The following GFPT1 variants were observed in gnomAD, a reference collection of about 807,000 sequenced individuals.
GFPT1 encodes the protein glutamine--fructose-6-phosphate aminotransferase [isomerizing] 1.
In GFPT1, 40 loss-of-function variants were observed where a neutral mutation model predicts 92.0. That is an observed-to-expected ratio of 0.43 (90% CI 0.34 to 0.57). The LOEUF (loss-of-function observed/expected upper bound fraction) is 0.57. Ranked by LOEUF, GFPT1 falls within the 20% of genes least tolerant of loss-of-function variation. GFPT1 has a pLI of 0.02. For synonymous variants in GFPT1, 269 were observed against 280.6 expected (o/e 0.96, Z 0.41); for missense variants, 448 against 869.1 (o/e 0.52, Z 6.09).
At chr2:69,377,029 T>C (rs1159315343) in intron 1 of GFPT1, among the ~76,000 whole-genome samples, 2 of 151,640 alleles carry the variant, frequency 1.3e-5, no homozygotes, top group African/African-American at 4.9e-5. Context: ...GGCAACACGC[T>C]GAAACTCCGT....
rs1246794133 is a variant in GFPT1, at chr2:69,323,699, G to A, written c.*2490C>T. 7.0e-6 allele frequency: 1 copy of A among 143,716 alleles called. No individual in the cohort carries two copies. The highest frequency in any genetic ancestry group is 1.5e-5 in the Non-Finnish European group (1 of 66,334). 8.9% of individuals were successfully genotyped at this position (143,716 alleles called of 1,614,324 possible). The stretch of plus-strand genomic sequence containing the variant: ...AAAAATTTTTTTTTTTTTTTTTTGA[G>A]AGAGTCTTGCTCTGTCGCCAGGCTG... On this transcript the variant is annotated 3_prime_UTR_variant, in exon 20 of 20. Transcript: ENST00000357308.
intron 3 of GFPT1, among the ~76,000 whole-genome samples, chr2:69,365,247 G>A (rs530340356): frequency 1.6e-4 from 24 of 152,228 alleles, no homozygotes; most frequent in South Asian, 8.3e-4. Context: ...GGAGGCTGAG[G>A]CAGGTGGATC....
In GFPT1 at chr2:69,358,315, A is replaced by G. The variant is rs1671390108; in HGVS notation, c.543+14T>C. On this transcript the variant is annotated intron_variant, in intron 6 of 19. Transcript: ENST00000357308. Reference sequence around the variant, plus strand: ...AATGTTGGCATAATTATCTTTAAAAATGTGGCTTAATACCAATTGTTGGAT... The same window carrying G: ...AATGTTGGCATAATTATCTTTAAAAGTGTGGCTTAATACCAATTGTTGGAT... 3.1e-6 allele frequency: 5 copies of G among 1,606,628 alleles called. No homozygotes were observed. The highest frequency in any genetic ancestry group is 4.3e-6 in the Non-Finnish European group (5 of 1,173,378).
chr2:69,354,401 T>C, intron 8 of GFPT1, 88 bp downstream of exon 8: 2 of 1,279,870 alleles, frequency 1.6e-6, no homozygotes, highest in Non-Finnish European at 1.1e-6. Flanking sequence ...TATATATACA[T>C]GTGCATCTGA....
At chr2:69,360,667 G>A (rs1003368025) in intron 4 of GFPT1, among the ~76,000 whole-genome samples, 2 of 152,038 alleles carry the variant, frequency 1.3e-5, no homozygotes, top group Non-Finnish European at 2.9e-5. Flanking sequence ...CTGAGCTGAA[G>A]CAATCCTCCC....
intron 13 of GFPT1, among the ~76,000 whole-genome samples, chr2:69,340,726 A>G (rs1481839756): frequency 6.6e-6 from 1 of 152,176 alleles, no homozygotes; most frequent in Non-Finnish European, 1.5e-5. Flanking sequence ...ATTTTGTCTG[A>G]TAAACCACAG....
chr2:69,352,097 A>G (rs1409524046), intron 9 of GFPT1, among the ~76,000 whole-genome samples: 1 of 151,250 alleles, frequency 6.6e-6, no homozygotes, highest in East Asian at 2.0e-4. Context: ...CCTCGTCTCT[A>G]CTAAAAACAC....
At chr2:69,350,496 A>C (rs1351767285) in intron 9 of GFPT1, among the ~76,000 whole-genome samples, 2 of 152,224 alleles carry the variant, frequency 1.3e-5, no homozygotes, top group African/African-American at 4.8e-5. Flanking sequence ...GGTTTTTTAA[A>C]TCAAAAGTAT....
Position 69,374,087 on chromosome 2 carries a change from C to T in GFPT1, c.34G>A (p.Val12Ile). The change falls in exon 2 of 20, where the codon GTT (valine) becomes ATT (isoleucine). Residue 12 changes from valine to isoleucine, a missense_variant. By Grantham distance (29) the Val-to-Ile change is conservative. Transcript: ENST00000357308. ...CGIFAYLNYH[V>I]PRTRREILET... Reference sequence around the variant, plus strand: ...AGGATTTCTCGTCTCGTTCGAGGAACATGGTAGTTTAAGTAAGCAAATATA... The same window carrying T: ...AGGATTTCTCGTCTCGTTCGAGGAATATGGTAGTTTAAGTAAGCAAATATA... 1 of 1,588,594 alleles carries T rather than the reference C, an allele frequency of 6.3e-7. No individual in the cohort carries two copies. The highest frequency in any genetic ancestry group is 8.6e-7 in the Non-Finnish European group (1 of 1,158,288).
chr2:69,354,141 A>C, intron 9 of GFPT1, 118 bp downstream of exon 9: 1 of 611,184 alleles, frequency 1.6e-6, no homozygotes. Context: ...GCTTCCCCAC[A>C]AAATAAGCAC....
At chr2:69,349,369 C>A (rs765993836) in intron 10 of GFPT1, among the ~76,000 whole-genome samples, 1 of 152,144 alleles carries the variant, frequency 6.6e-6, no homozygotes, top group Non-Finnish European at 1.5e-5. Context: ...CACATCTTAG[C>A]CCTGACTACA....
At chr2:69,375,888 C>T (rs955566167) in intron 1 of GFPT1, among the ~76,000 whole-genome samples, 5 of 152,200 alleles carry the variant, frequency 3.3e-5, no homozygotes, top group Non-Finnish European at 7.3e-5. Context: ...AGAGTGGTAG[C>T]GGCACAGCAA....
intron 10 of GFPT1, among the ~76,000 whole-genome samples, chr2:69,349,730 T>C (rs1671162731): frequency 6.6e-6 from 1 of 152,212 alleles, no homozygotes; most frequent in South Asian, 2.1e-4. Context: ...ATGCTATAAC[T>C]ATTGGGATAC....
chr2:69,355,122 G>T (rs1016136446), intron 7 of GFPT1, among the ~76,000 whole-genome samples: 7 of 152,188 alleles, frequency 4.6e-5, no homozygotes, highest in Non-Finnish European at 8.8e-5. Context: ...CTGTCTCCCA[G>T]GCTAGAGTGC....
chr2:69,367,826 T>G (rs965699032), intron 3 of GFPT1, among the ~76,000 whole-genome samples: 2 of 152,250 alleles, frequency 1.3e-5, no homozygotes, highest in African/African-American at 4.8e-5. Flanking sequence ...GCATTTCCCA[T>G]GTAGATATGG....
At chr2:69,353,473 G>T (rs1671260466) in intron 9 of GFPT1, among the ~76,000 whole-genome samples, 1 of 152,208 alleles carries the variant, frequency 6.6e-6, no homozygotes, top group Non-Finnish European at 1.5e-5. Flanking sequence ...AGCCAAGGCT[G>T]AAGTGAGCCA....
intron 2 of GFPT1, chr2:69,371,397 A>C (rs982523366): frequency 6.6e-6 from 1 of 151,982 alleles, no homozygotes; most frequent in African/African-American, 2.4e-5. Context: ...ATTTTTGAAC[A>C]TGCAAAGTTT....
chr2:69,356,632 C>T, intron 6 of GFPT1, 75 bp from the exon 7 acceptor site: 4 of 1,067,344 alleles, frequency 3.7e-6, no homozygotes, highest in Non-Finnish European at 4.4e-6. Flanking sequence ...ATACTGGCTT[C>T]AGCGCAGAAA....
chr2:69,375,597 C>T (rs1393841865), intron 1 of GFPT1, among the ~76,000 whole-genome samples: 2 of 152,064 alleles, frequency 1.3e-5, no homozygotes, highest in Non-Finnish European at 2.9e-5. Flanking sequence ...CAGTTCCAGG[C>T]CAAAGACTTA....
Sources: gnomAD v4.1 joint callset for allele counts (sites outside exome capture counted in the v4.1 genomes callset) on GRCh38, gnomAD v4.1.1 for gene constraint, MANE v1.5 for transcripts, NCBI Gene and HGNC (gene_info 2026-07-23, HGNC 2026-07-21) for gene names.